OLFM2: variants seen among roughly 807,000 people sequenced by gnomAD.
The protein encoded by OLFM2 is olfactomedin 2, also known as noelin-2.
OLFM2 carries 20 observed loss-of-function variants against 43.9 expected under a neutral mutation model. The ratio of observed to expected loss-of-function variants is 0.46; its 90% CI spans 0.32 to 0.66. The LOEUF (loss-of-function observed/expected upper bound fraction) is 0.66, where lower values mean the gene tolerates loss of function less well. Ranked by LOEUF, OLFM2 falls within the 30% of genes least tolerant of loss-of-function variation. OLFM2 has a pLI of 0.04. For missense variants in OLFM2, 416 were observed against 643.6 expected, an observed-to-expected ratio of 0.65 and a Z score of 3.83; for synonymous variants, 268 against 278.6, an observed-to-expected ratio of 0.96 and a Z score of 0.38.
At chr19:9,914,381 C>A (rs915662779) in intron 1 of OLFM2, among the ~76,000 whole-genome samples, 5 of 152,164 alleles carry the variant, frequency 3.3e-5, no homozygotes, top group African/African-American at 1.2e-4. Flanking sequence ...GCTTCCTTCC[C>A]GGGCACTGAG....
In OLFM2 at chr19:9,856,826, G is replaced by T. The variant is rs764348330; in HGVS notation, c.668C>A (p.Ala223Asp). 5 of 1,613,388 alleles carry T rather than the reference G, an allele frequency of 3.1e-6. No homozygotes were observed. The highest frequency in any genetic ancestry group is 4.2e-6 in the Non-Finnish European group (5 of 1,179,818). Residue 223 changes from alanine to aspartate, a missense_variant, in exon 5 of 6, where the codon GCC becomes GAC. Physicochemically the swap from Ala to Asp is moderately radical, Grantham distance 126. Coordinates refer to ENST00000264833, the MANE Select transcript of OLFM2 (RefSeq NM_058164.4). The surrounding 1 kb of genome is among the most constrained non-coding windows in gnomAD (Gnocchi z 4.0). ...RFGSWMTDTM[A>D]PSADSRVWYM... ...ACTCACCCGGCTATCCGCACTGGGG[G>T]CCATCGTGTCAGTCATCCAGGAGCC...
At chr19:9,895,876 T>C (rs972692639) in intron 1 of OLFM2, among the ~76,000 whole-genome samples, 1 of 151,980 alleles carries the variant, frequency 6.6e-6, no homozygotes, top group Non-Finnish European at 1.5e-5. Context: ...CCTCAAGTGA[T>C]TCACCCGCCT....
intron 1 of OLFM2, among the ~76,000 whole-genome samples, chr19:9,871,308 C>G (rs1434104776): frequency 2.7e-5 from 4 of 149,204 alleles, no homozygotes; most frequent in Admixed American, 1.3e-4. Flanking sequence ...TGCTGTGGCT[C>G]ACACCTGTAA....
rs755166880 is a variant in OLFM2 at position 9,854,787 on chromosome 19, T to C, written c.764A>G (p.Gln255Arg). 1 of 1,611,008 alleles carries C rather than the reference T, an allele frequency of 6.2e-7. No homozygotes were observed. ...GGGCAGCAGGTGCTGGATAAAGTTC[T>C]GGCCTTTGATGAAGTCTCCCAGGGT... ...FRTLGDFIKG[Q>R]NFIQHLLPQP... The change falls in exon 6 of 6, where the codon CAG becomes CGG. Residue 255 changes from glutamine (Q) to arginine (R), a missense_variant. By Grantham distance (43) the Gln-to-Arg change is conservative (BLOSUM62 1). Transcript: ENST00000264833. This position sits in a 1 kb window ranked among gnomAD's most constrained non-coding sequence, Gnocchi z 9.5.
At chr19:9,932,411 C>A (rs909760092) in intron 1 of OLFM2, among the ~76,000 whole-genome samples, 1 of 148,992 alleles carries the variant, frequency 6.7e-6, no homozygotes, top group Non-Finnish European at 1.5e-5. Context: ...GCCGAGATTG[C>A]GCCACTGCAC....
At chr19:9,904,040 T>C (rs1172754587) in intron 1 of OLFM2, among the ~76,000 whole-genome samples, 2 of 152,130 alleles carry the variant, frequency 1.3e-5, no homozygotes, top group African/African-American at 4.8e-5. Context: ...GTCATTATAC[T>C]GAAGGCTGCA....
In OLFM2 at chr19:9,854,040, A is replaced by C; in HGVS notation, c.*146T>G. On this transcript the variant is annotated 3_prime_UTR_variant, in exon 6 of 6. Transcript: ENST00000264833. This position sits in a 1 kb window ranked among gnomAD's most constrained non-coding sequence, Gnocchi z 9.5. ...ATTGAAAAAATAGACAGAAATACATAGGCAGAGAACAAAAGCCCAGCAAAA... is the reference window on the plus strand; with the variant it reads ...ATTGAAAAAATAGACAGAAATACATCGGCAGAGAACAAAAGCCCAGCAAAA... 7.5e-6 allele frequency: 5 copies of C among 667,336 alleles called. No homozygotes were observed. In the South Asian group the frequency reaches 9.3e-5, roughly 12 times the overall value. The allele number at this position is 667,336 out of a possible 1,614,324, so 41.3% of individuals were successfully genotyped here.
intron 1 of OLFM2, among the ~76,000 whole-genome samples, chr19:9,922,093 CAAA>C (rs551625851): frequency 6.2e-5 from 5 of 80,658 alleles, no homozygotes; most frequent in Admixed American, 1.4e-4. Context: ...GACCCTGTCT[CAAA>C]AAAAAAAAAA....
intron 1 of OLFM2, among the ~76,000 whole-genome samples, chr19:9,871,880 T>C (rs972279874): frequency 6.6e-6 from 1 of 152,224 alleles, no homozygotes; most frequent in African/African-American, 2.4e-5. Flanking sequence ...AGGATGCTGA[T>C]GAACCAGTGG....
At chr19:9,892,733 A>T (rs1234623100) in intron 1 of OLFM2, among the ~76,000 whole-genome samples, 4 of 152,126 alleles carry the variant, frequency 2.6e-5, no homozygotes, top group Non-Finnish European at 5.9e-5. Flanking sequence ...TCCCCTCATG[A>T]GTCCTGGGAC....
chr19:9,913,984 A>G (rs113263726), intron 1 of OLFM2: 59,956 of 127,132 alleles, frequency 0.47, 13,305 homozygotes, highest in Admixed American at 0.59. Context: ...CCCCCCGCCG[A>G]GGACCTCTCC....
At chr19:9,885,283 T>C (rs1455330474) in intron 1 of OLFM2, among the ~76,000 whole-genome samples, 1 of 152,170 alleles carries the variant, frequency 6.6e-6, no homozygotes, top group Non-Finnish European at 1.5e-5. Flanking sequence ...CGGCAGTTAA[T>C]GAATCCGGAA....
At chr19:9,931,431 G>A (rs191820371) in intron 1 of OLFM2, among the ~76,000 whole-genome samples, 117 of 152,102 alleles carry the variant, frequency 7.7e-4, no homozygotes, top group East Asian at 5.8e-4. Flanking sequence ...GGCCGGGCAC[G>A]GTGGCTCACG....
chr19:9,862,344 C>T (rs377301528), intron 1 of OLFM2, among the ~76,000 whole-genome samples: 2 of 151,996 alleles, frequency 1.3e-5, no homozygotes, highest in East Asian at 3.9e-4. Context: ...AAGGAGAAGG[C>T]AGGGGACATT....
At chr19:9,876,655 G>A (rs773560040) in intron 1 of OLFM2, among the ~76,000 whole-genome samples, 5 of 152,154 alleles carry the variant, frequency 3.3e-5, no homozygotes, top group African/African-American at 4.8e-5. Context: ...GTGGGAGGAC[G>A]TGGTCATTAA....
At chr19:9,927,526 C>G (rs930239951) in intron 1 of OLFM2, among the ~76,000 whole-genome samples, 1 of 152,154 alleles carries the variant, frequency 6.6e-6, no homozygotes, top group Non-Finnish European at 1.5e-5. Context: ...TGACCAATGA[C>G]TTTCTTCTGT....
chr19:9,919,074 C>T (rs1314772371), intron 1 of OLFM2, among the ~76,000 whole-genome samples: 4 of 152,182 alleles, frequency 2.6e-5, no homozygotes, highest in African/African-American at 9.7e-5. Context: ...CGGTGGCTCA[C>T]GCCTGTAATC....
At chr19:9,924,713 T>C (rs1243419061) in intron 1 of OLFM2, among the ~76,000 whole-genome samples, 1 of 152,110 alleles carries the variant, frequency 6.6e-6, no homozygotes, top group African/African-American at 2.4e-5. Flanking sequence ...GTGACTCTGC[T>C]ATCTTCAGTG....
At chr19:9,933,526 C>T (rs2086496973) in intron 1 of OLFM2, among the ~76,000 whole-genome samples, 2 of 150,468 alleles carry the variant, frequency 1.3e-5, no homozygotes, top group Non-Finnish European at 1.5e-5. Flanking sequence ...GCGTGAGCCT[C>T]CATGCCCGAC....
Sources: gnomAD v4.1 joint callset for allele counts (sites outside exome capture counted in the v4.1 genomes callset) on GRCh38, gnomAD v4.1.1 for gene constraint, Gnocchi (gnomAD v3.1) non-coding constraint, MANE v1.5 for transcripts, NCBI Gene and HGNC (gene_info 2026-07-23, HGNC 2026-07-21) for gene names.